MAP4K3: variants seen among roughly 807,000 people sequenced by gnomAD.
The protein encoded by MAP4K3 is MAPK/ERK kinase kinase kinase 3.
A neutral mutation model predicts 143.5 loss-of-function variants in MAP4K3; 94 were observed. The observed-to-expected ratio is 0.65, with a 90% confidence interval of 0.55 to 0.78. The LOEUF (loss-of-function observed/expected upper bound fraction) is 0.78, where lower values mean the gene tolerates loss of function less well. MAP4K3 is among the 30% of genes least tolerant of loss of function. The pLI is 0.00. For missense variants in MAP4K3, 1,077 were observed against 1,068.1 expected, an observed-to-expected ratio of 1.01 and a Z score of -0.12; for synonymous variants, 416 against 347.2, an observed-to-expected ratio of 1.20 and a Z score of -2.20.
intron 2 of MAP4K3, among the ~76,000 whole-genome samples, chr2:39,361,867 G>A (rs1341969025): frequency 1.3e-5 from 2 of 151,934 alleles, no homozygotes; most frequent in African/African-American, 2.4e-5. Context: ...GTTAGCTTAT[G>A]AGAGTCATGA....
intron 1 of MAP4K3, among the ~76,000 whole-genome samples, chr2:39,407,745 C>T (rs1572497609): frequency 6.6e-6 from 1 of 152,026 alleles, no homozygotes; most frequent in Non-Finnish European, 1.5e-5. Context: ...ACAGCTAATG[C>T]TCTTATTTTT....
At chr2:39,304,149 T>G (rs1262472731) in intron 15 of MAP4K3, among the ~76,000 whole-genome samples, 42 of 13,682 alleles carry the variant, frequency 3.1e-3, no homozygotes, top group Non-Finnish European at 0.015. Flanking sequence ...AATTATCTGA[T>G]TTTTTTTTTT....
intron 17 of MAP4K3, among the ~76,000 whole-genome samples, 186 bp downstream of exon 17, chr2:39,293,044 G>C (rs1682116606): frequency 6.6e-6 from 1 of 152,100 alleles, no homozygotes; most frequent in Non-Finnish European, 1.5e-5. Context: ...TTGAGCCCAG[G>C]AGTTCAAGGC....
chr2:39,365,136 G>A (rs1033443996), intron 2 of MAP4K3, among the ~76,000 whole-genome samples: 5 of 152,064 alleles, frequency 3.3e-5, no homozygotes, highest in African/African-American at 7.2e-5. Context: ...TTCTTTCAGG[G>A]CCTGCTATCT....
intron 12 of MAP4K3, among the ~76,000 whole-genome samples, chr2:39,318,063 C>G (rs976629981): frequency 3.3e-5 from 5 of 151,972 alleles, no homozygotes; most frequent in African/African-American, 1.2e-4. Flanking sequence ...GGATATGCAG[C>G]CATAAAAAAG....
chr2:39,368,052 G>A (rs968298857), intron 2 of MAP4K3, among the ~76,000 whole-genome samples: 127 of 152,094 alleles, frequency 8.4e-4, no homozygotes, highest in Admixed American at 8.3e-3. Context: ...CCTGGATCCA[G>A]CTCTTTTGAG....
At chr2:39,265,793 G>A (rs1459159387) in intron 27 of MAP4K3, among the ~76,000 whole-genome samples, 2 of 151,940 alleles carry the variant, frequency 1.3e-5, no homozygotes, top group East Asian at 1.9e-4. Context: ...AATTCTTATG[G>A]TCACTAGAAA....
intron 28 of MAP4K3, 108 bp from the exon 29 acceptor site, chr2:39,260,885 G>C: frequency 4.1e-6 from 3 of 728,912 alleles, no homozygotes; most frequent in Non-Finnish European, 6.6e-6. Context: ...TCTTGTCACA[G>C]AAATTCAGGT....
chr2:39,357,260 G>C (rs375818740), intron 2 of MAP4K3, among the ~76,000 whole-genome samples: 1 of 152,152 alleles, frequency 6.6e-6, no homozygotes, highest in Admixed American at 6.5e-5. Context: ...TGCAGAAAGA[G>C]AACAAATGGA....
At chr2:39,307,668 TA>T (rs941194072) in intron 15 of MAP4K3, among the ~76,000 whole-genome samples, 22 of 146,644 alleles carry the variant, frequency 1.5e-4, no homozygotes, top group African/African-American at 2.7e-4. Context: ...TGCCATTTCT[TA>T]AAAAAAAAAC....
rs1211397962 is a variant in MAP4K3 at position 39,356,325 on chromosome 2, C to A, written c.169G>T (p.Val57Phe). Residue 57 changes from valine to phenylalanine, a missense_variant, in exon 3 of 34, where the codon GTT (valine) becomes TTT (phenylalanine). Val to Phe is a conservative substitution (Grantham distance 50). This residue lies in a region of MAP4K3 where 213 missense variants were observed against 266.8 expected (regional missense o/e 0.80). Transcript: ENST00000263881. The stretch of plus-strand genomic sequence containing the variant: ...ATCATAATAATTTCTTGCTGCACAA[C>A]TGCAAAGTCTTCTCCTGGAATAAAA... Reference protein sequence around the residue: ...IKLEPGEDFAVVQQEIIMMKD... With the variant: ...IKLEPGEDFAFVQQEIIMMKD... 6.3e-7 allele frequency: 1 copy of A among 1,588,312 alleles called. No homozygotes were observed. The highest frequency in any genetic ancestry group is 1.8e-5 in the Admixed American group (1 of 56,902).
At chr2:39,293,008 T>C (rs552471938) in intron 17 of MAP4K3, among the ~76,000 whole-genome samples, 182 bp from the exon 18 acceptor site, 2 of 152,226 alleles carry the variant, frequency 1.3e-5, no homozygotes, top group South Asian at 4.1e-4. Context: ...TGTCCGTTAC[T>C]AGGGAGGATG....
At chr2:39,282,899 G>A (rs1276334882) in intron 21 of MAP4K3, among the ~76,000 whole-genome samples, 1 of 152,150 alleles carries the variant, frequency 6.6e-6, no homozygotes, top group Non-Finnish European at 1.5e-5. Context: ...AACACAAATA[G>A]TTATACACTA....
Position 39,249,580 on chromosome 2 carries a change from C to T in MAP4K3, c.*1038G>A, listed in dbSNP as rs1046112757. ...TGAGGTAGTAACTAAATTATTTTGG[C>T]CATGTATTAATACTCTAAGTCAAAA... On this transcript the variant is annotated 3_prime_UTR_variant, in exon 34 of 34. Transcript: ENST00000263881. 22 of 152,376 alleles carry T rather than the reference C, an allele frequency of 1.4e-4. No individual in the cohort carries two copies. Among genetic ancestry groups the T allele is most frequent in the African/African-American group, 2.2e-4 (9 of 41,370 alleles). The allele number at this position is 152,376 out of a possible 1,614,324, so 9.4% of individuals were successfully genotyped here.
chr2:39,365,420 C>A (rs1012986984), intron 2 of MAP4K3, among the ~76,000 whole-genome samples: 4 of 147,042 alleles, frequency 2.7e-5, no homozygotes, highest in Admixed American at 1.4e-4. Context: ...TTTTGGGTTA[C>A]GCCATAGTAA....
rs1479364103 is a variant in MAP4K3 at position 39,260,965 on chromosome 2, A to G, written c.2137-188T>C. 35 of 518,182 alleles carry G rather than the reference A, an allele frequency of 6.8e-5. No individual in the cohort carries two copies. In the East Asian group the frequency reaches 1.1e-3, roughly 16 times the overall value. The allele number at this position is 518,182 out of a possible 1,614,324, so 32.1% of individuals were successfully genotyped here. On this transcript the variant is annotated intron_variant, in intron 28 of 33. Transcript: ENST00000263881. ...TAGGTTTACCACCGCAAAATATTTT[A>G]AAGTTATAATTACATGATTTTAGGA...
At chr2:39,313,086 T>A (rs1371053462) in intron 13 of MAP4K3, among the ~76,000 whole-genome samples, 1 of 152,212 alleles carries the variant, frequency 6.6e-6, no homozygotes, top group Non-Finnish European at 1.5e-5. Flanking sequence ...CTGGTATCAC[T>A]CTTCTGCTCT....
intron 1 of MAP4K3, among the ~76,000 whole-genome samples, chr2:39,421,992 C>T (rs531155750): frequency 3.3e-5 from 5 of 151,412 alleles, no homozygotes; most frequent in Non-Finnish European, 5.9e-5. Flanking sequence ...CAAAATACCC[C>T]ATATTACTTA....
rs559826402 is a variant in MAP4K3, at chr2:39,419,803, A to T, written c.96+17089T>A. 3.9e-5 allele frequency among the ~76,000 whole-genome samples: 6 copies of T among 152,296 alleles called. No homozygotes were observed. The East Asian group carries it at 1.2e-3, about 29-fold the overall frequency. ...TGAATGGCATTCAAAAACTAAACAT[A>T]ACTGTGTGTGGACTGTTTCTGCAAA... On this transcript the variant is annotated intron_variant, in intron 1 of 33. Coordinates refer to ENST00000263881, the MANE Select transcript of MAP4K3 (RefSeq NM_003618.4).
Sources: gnomAD v4.1 joint callset for allele counts (sites outside exome capture counted in the v4.1 genomes callset) on GRCh38, gnomAD v4.1.1 for gene constraint, gnomAD v4.1.1 regional missense constraint, MANE v1.5 for transcripts, NCBI Gene and HGNC (gene_info 2026-07-23, HGNC 2026-07-21) for gene names.